The following NR3C1 variants were observed in gnomAD, a reference collection of about 807,000 sequenced individuals.
NR3C1 encodes the protein glucocorticoid receptor.
NR3C1 carries 14 observed loss-of-function variants against 74.0 expected under a neutral mutation model. That is an observed-to-expected ratio of 0.19 (90% CI 0.12 to 0.30). NR3C1 has a LOEUF of 0.30. Among genes scored for constraint, NR3C1 ranks in the 10% least tolerant of loss-of-function variants. NR3C1 has a pLI of 1.00. For synonymous variants in NR3C1, 308 were observed against 332.5 expected, an observed-to-expected ratio of 0.93 and a Z score of 0.80; for missense variants, 695 against 909.8, an observed-to-expected ratio of 0.76 and a Z score of 3.04.
At chr5:143,329,204 C>A (rs552852730) in intron 2 of NR3C1, among the ~76,000 whole-genome samples, 1 of 152,278 alleles carries the variant, frequency 6.6e-6, no homozygotes, top group East Asian at 1.9e-4. Context: ...GAAAGTCTTA[C>A]ATGGTGGCAG....
chr5:143,282,155 C>G, intron 8 of NR3C1, 114 bp from the exon 9 acceptor site: 1 of 1,054,356 alleles, frequency 9.5e-7, no homozygotes, highest in Non-Finnish European at 1.4e-6. Flanking sequence ...ACCAATCTCA[C>G]TGGAATTCCC....
At chr5:143,416,999 A>G (rs1006768987) in intron 1 of NR3C1, among the ~76,000 whole-genome samples, 1 of 151,258 alleles carries the variant, frequency 6.6e-6, no homozygotes, top group African/African-American at 2.4e-5. Context: ...GTGTTTAAAA[A>G]GAGAGAGAGA....
At chr5:143,354,574 G>C (rs1424650144) in intron 2 of NR3C1, among the ~76,000 whole-genome samples, 1 of 152,142 alleles carries the variant, frequency 6.6e-6, no homozygotes, top group African/African-American at 2.4e-5. Flanking sequence ...GTCAGATCAT[G>C]CGCAATATTT....
At chr5:143,427,561 C>G (rs565088353) in intron 1 of NR3C1, among the ~76,000 whole-genome samples, 13 of 152,216 alleles carry the variant, frequency 8.5e-5, no homozygotes, top group African/African-American at 3.1e-4. Context: ...GTGGGAAGGC[C>G]GTAGCCAGTG....
At chr5:143,380,265 C>T (rs1835945142) in intron 2 of NR3C1, among the ~76,000 whole-genome samples, 1 of 152,156 alleles carries the variant, frequency 6.6e-6, no homozygotes. Context: ...CTGATCCATT[C>T]AAGAATTTGC....
chr5:143,306,917 G>C (rs1392064848), intron 4 of NR3C1, among the ~76,000 whole-genome samples: 12 of 89,310 alleles, frequency 1.3e-4, no homozygotes, highest in African/African-American at 6.0e-4. Context: ...TTTTTTTTGA[G>C]ACGGAGTCTC....
intron 1 of NR3C1, among the ~76,000 whole-genome samples, chr5:143,414,014 T>G (rs893317290): frequency 2.0e-5 from 3 of 152,182 alleles, no homozygotes; most frequent in Non-Finnish European, 4.4e-5. Flanking sequence ...AGACATGACT[T>G]AAAATGTTTG....
At chr5:143,389,089 T>C (rs1312846721) in intron 2 of NR3C1, among the ~76,000 whole-genome samples, 1 of 152,206 alleles carries the variant, frequency 6.6e-6, no homozygotes, top group Non-Finnish European at 1.5e-5. Flanking sequence ...CTTTCCTCCA[T>C]GAAGTTTCAG....
At chr5:143,409,236 G>A (rs573078082) in intron 1 of NR3C1, 3 of 152,248 alleles carry the variant, frequency 2.0e-5, no homozygotes, top group Non-Finnish European at 4.4e-5. Context: ...TCTGTTACAC[G>A]ATTCTGTTAA....
At chr5:143,304,567 T>C (rs1305240866) in intron 4 of NR3C1, among the ~76,000 whole-genome samples, 1 of 152,072 alleles carries the variant, frequency 6.6e-6, no homozygotes, top group Admixed American at 6.6e-5. Flanking sequence ...ATTCTAAAAT[T>C]CCTATGGAAC....
intron 2 of NR3C1, among the ~76,000 whole-genome samples, chr5:143,337,656 T>C (rs984998790): frequency 1.3e-5 from 2 of 152,170 alleles, no homozygotes; most frequent in African/African-American, 4.8e-5. Context: ...CAGCAATGAA[T>C]AAACGACAGC....
At position 143,278,523 on chromosome 5, in the gene NR3C1, C is replaced by T. The variant is rs1812661107; in HGVS notation, c.*3366G>A. The T allele has an allele frequency of 1.3e-5, 2 of 152,100 alleles. No individual in the cohort carries two copies. Among genetic ancestry groups the T allele is most frequent in the Admixed American group, 6.6e-5 (1 of 15,262 alleles). The allele number at this position is 152,100 out of a possible 1,614,324, so 9.4% of individuals were successfully genotyped here. A position where few individuals can be genotyped will look rare whatever the true frequency, so the allele number is the denominator to read the frequency against. ...GTCTGGGAAATTACGAAACTCCACC[C>T]AAAGGGTTTAAAGTGTCCTCCTTAC... On this transcript the variant is annotated 3_prime_UTR_variant, in exon 9 of 9. Coordinates refer to ENST00000394464, the MANE Select transcript of NR3C1 (RefSeq NM_000176.3).
At chr5:143,334,922 C>T (rs992533892) in intron 2 of NR3C1, among the ~76,000 whole-genome samples, 27 of 151,696 alleles carry the variant, frequency 1.8e-4, no homozygotes, top group African/African-American at 4.1e-4. Flanking sequence ...TCTCACAGTG[C>T]GAAAAAGAAT....
chr5:143,358,668 G>A (rs1259402245), intron 2 of NR3C1, among the ~76,000 whole-genome samples: 1 of 152,268 alleles, frequency 6.6e-6, no homozygotes, highest in Middle Eastern at 3.4e-3. Context: ...TTGGGAGGCT[G>A]AGGCAGGCGG....
At chr5:143,304,274 C>T (rs1819109788) in intron 4 of NR3C1, among the ~76,000 whole-genome samples, 1 of 152,096 alleles carries the variant, frequency 6.6e-6, no homozygotes, top group African/African-American at 2.4e-5. Flanking sequence ...CAGTAATGTT[C>T]AAGCTGAGAG....
At chr5:143,373,786 G>C (rs1834655523) in intron 2 of NR3C1, among the ~76,000 whole-genome samples, 2 of 151,874 alleles carry the variant, frequency 1.3e-5, no homozygotes, top group Admixed American at 6.6e-5. Context: ...GAAGGGAGGG[G>C]GATGTGACTG....
chr5:143,307,060 CTA>C (rs1442983469), intron 4 of NR3C1, among the ~76,000 whole-genome samples: 10 of 151,964 alleles, frequency 6.6e-5, no homozygotes, highest in Admixed American at 2.0e-4. Flanking sequence ...CCACGCCTGG[CTA>C]ATTTTTTGTA....
intron 2 of NR3C1, among the ~76,000 whole-genome samples, chr5:143,379,169 T>C (rs2151881290): frequency 6.6e-6 from 1 of 152,332 alleles, no homozygotes; most frequent in South Asian, 2.1e-4. Context: ...CCTTTTTAAT[T>C]CAAGGAAGAC....
At chr5:143,402,141 T>C (rs1047639345) in intron 1 of NR3C1, among the ~76,000 whole-genome samples, 4 of 152,126 alleles carry the variant, frequency 2.6e-5, no homozygotes, top group African/African-American at 4.8e-5. Context: ...ACTGCTTATC[T>C]CCCCACCTCT....
Sources: gnomAD v4.1 joint callset for allele counts (sites outside exome capture counted in the v4.1 genomes callset) on GRCh38, gnomAD v4.1.1 for gene constraint, MANE v1.5 for transcripts, NCBI Gene and HGNC (gene_info 2026-07-23, HGNC 2026-07-21) for gene names.